Variants in SKAP1 observed in about 807,000 individuals in gnomAD.
The protein encoded by SKAP1 is src kinase associated phosphoprotein 1, also known as src kinase-associated phosphoprotein 1.
A neutral mutation model predicts 58.5 loss-of-function variants in SKAP1; 44 were observed. The observed-to-expected ratio is 0.75, with a 90% CI of 0.59 to 0.97. SKAP1 has a LOEUF of 0.97. SKAP1 is among the 50% of genes least tolerant of loss of function. SKAP1 has a pLI of 0.00. For missense variants in SKAP1, 390 were observed against 435.2 expected (o/e 0.90, Z 0.92); for synonymous variants, 127 against 149.7 (o/e 0.85, Z 1.11).
intron 4 of SKAP1, among the ~76,000 whole-genome samples, chr17:48,337,984 C>A (rs1335537993): frequency 6.6e-6 from 1 of 151,648 alleles, no homozygotes; most frequent in Non-Finnish European, 1.5e-5. Flanking sequence ...TTAGTATCTT[C>A]CTTCCTTCCT....
At chr17:48,336,310 C>T (rs1438133471) in intron 4 of SKAP1, among the ~76,000 whole-genome samples, 2 of 152,082 alleles carry the variant, frequency 1.3e-5, no homozygotes, top group Admixed American at 6.6e-5. Flanking sequence ...AGATTTTACT[C>T]TTGAGCACTC....
intron 1 of SKAP1, among the ~76,000 whole-genome samples, chr17:48,410,626 T>C (rs1202763229): frequency 6.6e-6 from 1 of 151,656 alleles, no homozygotes; most frequent in African/African-American, 2.4e-5. Context: ...TGATGGGACA[T>C]GTCAAAAGGG....
chr17:48,382,214 G>A (rs1428530468), intron 2 of SKAP1, among the ~76,000 whole-genome samples: 3 of 151,736 alleles, frequency 2.0e-5, no homozygotes, highest in Admixed American at 6.6e-5. Flanking sequence ...GGGGGGAGGG[G>A]AAGGGATAGC....
intron 4 of SKAP1, among the ~76,000 whole-genome samples, chr17:48,262,477 C>T (rs1467923011): frequency 6.6e-6 from 1 of 152,112 alleles, no homozygotes; most frequent in Non-Finnish European, 1.5e-5. Context: ...CCACAAAATT[C>T]TGTCATTCAC....
chr17:48,256,198 A>T (rs1055624834), intron 4 of SKAP1, among the ~76,000 whole-genome samples: 1 of 147,838 alleles, frequency 6.8e-6, no homozygotes, highest in African/African-American at 2.6e-5. Context: ...TGTGTGTGTG[A>T]GGAGTTCACA....
chr17:48,233,461 A>C (rs1032663126), intron 4 of SKAP1, among the ~76,000 whole-genome samples: 1 of 152,110 alleles, frequency 6.6e-6, no homozygotes, highest in Non-Finnish European at 1.5e-5. Flanking sequence ...GAAGGGGACA[A>C]ATTCTGACTT....
chr17:48,277,950 A>G (rs2065720533), intron 4 of SKAP1, among the ~76,000 whole-genome samples: 1 of 152,216 alleles, frequency 6.6e-6, no homozygotes, highest in African/African-American at 2.4e-5. Flanking sequence ...TTACATAAGT[A>G]ATCTCTATGA....
intron 1 of SKAP1, among the ~76,000 whole-genome samples, chr17:48,412,122 C>G (rs1363801197): frequency 6.6e-6 from 1 of 152,238 alleles, no homozygotes; most frequent in East Asian, 1.9e-4. Flanking sequence ...TTCTATAAAT[C>G]TGAAACTGTT....
At chr17:48,222,262 T>C (rs2065014934) in intron 4 of SKAP1, among the ~76,000 whole-genome samples, 1 of 152,144 alleles carries the variant, frequency 6.6e-6, no homozygotes, top group East Asian at 1.9e-4. Context: ...CTAATACAAA[T>C]CAATAATAGT....
At chr17:48,282,776 CA>C (rs551742975) in intron 4 of SKAP1, among the ~76,000 whole-genome samples, 19 of 139,378 alleles carry the variant, frequency 1.4e-4, no homozygotes, top group Non-Finnish European at 9.3e-5. Context: ...GATCTGGTCT[CA>C]AAAAAAAAAG....
intron 4 of SKAP1, among the ~76,000 whole-genome samples, chr17:48,345,232 T>C (rs78632193): frequency 2.0e-5 from 3 of 152,200 alleles, no homozygotes; most frequent in Non-Finnish European, 4.4e-5. Flanking sequence ...TTATGTCTTA[T>C]CTTAAAAATT....
At chr17:48,152,677 C>A (rs192657904) in intron 11 of SKAP1, among the ~76,000 whole-genome samples, 5 of 152,208 alleles carry the variant, frequency 3.3e-5, no homozygotes, top group African/African-American at 1.2e-4. Flanking sequence ...GTTTCCGCAG[C>A]CTTCACCGGT....
chr17:48,302,304 T>A (rs1295486595), intron 4 of SKAP1, among the ~76,000 whole-genome samples: 2 of 146,426 alleles, frequency 1.4e-5, no homozygotes, highest in East Asian at 3.9e-4. Context: ...ACATCTTTAA[T>A]AAATATGATT....
intron 4 of SKAP1, among the ~76,000 whole-genome samples, chr17:48,208,270 C>A (rs1260347767): frequency 6.6e-6 from 1 of 152,158 alleles, no homozygotes; most frequent in Non-Finnish European, 1.5e-5. Context: ...CTTACCATGT[C>A]ACTCCTGTGA....
intron 11 of SKAP1, among the ~76,000 whole-genome samples, chr17:48,155,095 G>A (rs2063955934): frequency 6.6e-6 from 1 of 151,484 alleles, no homozygotes; most frequent in African/African-American, 2.4e-5. Context: ...ATCTTGAATA[G>A]TGGAACAAGC....
At chr17:48,347,539 C>T (rs1205684532) in intron 3 of SKAP1, among the ~76,000 whole-genome samples, 1 of 152,104 alleles carries the variant, frequency 6.6e-6, no homozygotes, top group Admixed American at 6.5e-5. Context: ...ATGTCCATAA[C>T]TGAGTTGAAC....
chr17:48,279,332 C>T (rs1327430361), intron 4 of SKAP1, among the ~76,000 whole-genome samples: 2 of 152,138 alleles, frequency 1.3e-5, no homozygotes, highest in Non-Finnish European at 2.9e-5. Context: ...CAGGTAATTA[C>T]AGAGTTAATA....
At chr17:48,223,063 C>CAA (rs71141973) in intron 4 of SKAP1, among the ~76,000 whole-genome samples, 27,123 of 69,852 alleles carry the variant, frequency 0.39, 5,932 homozygotes, top group Non-Finnish European at 0.47. Flanking sequence ...GACTCCGTCT[C>CAA]AAAAAAAAAA....
chr17:48,398,250 G>A (rs1345564428), intron 1 of SKAP1, among the ~76,000 whole-genome samples: 1 of 152,086 alleles, frequency 6.6e-6, no homozygotes, highest in East Asian at 1.9e-4. Context: ...CAGATCAGTG[G>A]CAGCATTAGA....
Sources: allele counts gnomAD v4.1 joint callset (sites outside exome capture counted in the v4.1 genomes callset), GRCh38; gene constraint gnomAD v4.1.1; transcripts MANE v1.5; gene names NCBI Gene and HGNC (gene_info 2026-07-23, HGNC 2026-07-21).